EDN3: variants seen among roughly 807,000 people sequenced by gnomAD.
EDN3 encodes endothelin-3.
Under a neutral mutation model 21.4 loss-of-function variants are expected in EDN3, and 9 were observed. The observed-to-expected ratio is 0.42, with a 90% confidence interval of 0.25 to 0.73. EDN3 has a LOEUF of 0.73. Among genes scored for constraint, EDN3 ranks in the 30% least tolerant of loss-of-function variants. EDN3 has a pLI of 0.26. For synonymous variants in EDN3, 133 were observed against 126.2 expected, an observed-to-expected ratio of 1.05 and a Z score of -0.36; for missense variants, 327 against 309.4, an observed-to-expected ratio of 1.06 and a Z score of -0.43.
At chr20:59,320,956 TG>T (rs1410006772) in intron 2 of EDN3, 60 bp from the exon 3 acceptor site, 8 of 1,600,672 alleles carry the variant, frequency 5.0e-6, no homozygotes, top group Non-Finnish European at 6.0e-6. Flanking sequence ...TCCACACCCT[TG>T]GGGGCCCCTG....
intron 2 of EDN3, among the ~76,000 whole-genome samples, chr20:59,316,163 C>A (rs11570320): frequency 2.6e-5 from 4 of 151,956 alleles, no homozygotes; most frequent in Non-Finnish European, 4.4e-5. Context: ...TCCAGCCTGG[C>A]GACAGAGTGA....
At chr20:59,306,594 GTA>G (rs1568829174) in intron 2 of EDN3, among the ~76,000 whole-genome samples, 2 of 28,644 alleles carry the variant, frequency 7.0e-5, no homozygotes. Flanking sequence ...TGCATAAAGA[GTA>G]AAAAAAAAAA....
Position 59,300,779 on chromosome 20 carries a change from C to A in EDN3, c.-34C>A, listed in dbSNP as rs748531162. Reference sequence around the variant, plus strand: ...TTTCGCGGCCACAAGCGGCCGTCCTCCTGGTCCGGTGCTCCGGCGCCTGAT... The same window carrying A: ...TTTCGCGGCCACAAGCGGCCGTCCTACTGGTCCGGTGCTCCGGCGCCTGAT... On this transcript the variant is annotated 5_prime_UTR_variant, in exon 1 of 5. Transcript: ENST00000337938. 3 of 1,601,530 alleles carry A rather than the reference C, an allele frequency of 1.9e-6. No homozygotes were observed. In the South Asian group the frequency reaches 3.4e-5, roughly 18 times the overall value.
At chr20:59,315,185 A>G (rs1418356345) in intron 2 of EDN3, among the ~76,000 whole-genome samples, 2 of 152,216 alleles carry the variant, frequency 1.3e-5, no homozygotes, top group Non-Finnish European at 2.9e-5. Flanking sequence ...AAAGTCTGAA[A>G]TTGAGCTGTA....
At chr20:59,318,700 C>T (rs11699459) in intron 2 of EDN3, among the ~76,000 whole-genome samples, 69 of 152,352 alleles carry the variant, frequency 4.5e-4, no homozygotes, top group South Asian at 1.4e-3. Context: ...CACTTTACCG[C>T]GCTTGGCGGC....
At chr20:59,301,828 A>G in intron 2 of EDN3, 106 bp downstream of exon 2, 2 of 1,312,200 alleles carry the variant, frequency 1.5e-6, no homozygotes, top group African/African-American at 1.4e-5. Context: ...GTTAGCCCAG[A>G]GCCTGCCCTG....
chr20:59,311,070 C>G (rs942676245), intron 2 of EDN3, among the ~76,000 whole-genome samples: 1 of 152,084 alleles, frequency 6.6e-6, no homozygotes. Flanking sequence ...AATTCATAAT[C>G]GACCAAATAT....
At chr20:59,306,088 C>T (rs1190812711) in intron 2 of EDN3, among the ~76,000 whole-genome samples, 1 of 152,164 alleles carries the variant, frequency 6.6e-6, no homozygotes, top group East Asian at 1.9e-4. Flanking sequence ...CCACTGTGCT[C>T]CTCCCCGCCC....
At position 59,322,514 on chromosome 20, in the gene EDN3, C is replaced by G. The variant is rs1164678742; in HGVS notation, c.588+97C>G. 49 of 1,522,754 alleles carry G rather than the reference C, an allele frequency of 3.2e-5. No individual in the cohort carries two copies. Among genetic ancestry groups the G allele is most frequent in the Non-Finnish European group, 4.0e-5 (44 of 1,101,484 alleles). The allele number at this position is 1,522,754 out of a possible 1,614,324, so 94.3% of individuals were successfully genotyped here. The stretch of plus-strand genomic sequence containing the variant: ...GGAGGGTGTTTTGAGGGGATGGCAT[C>G]TGGTCTGGTCCAGTGGGAACCCCAG... On this transcript the variant is annotated intron_variant, in intron 4 of 4. Transcript: ENST00000337938. This position sits in a 1 kb window ranked among gnomAD's most constrained non-coding sequence, Gnocchi z 4.1.
At position 59,321,042 on chromosome 20, in the gene EDN3, A is replaced by G. The variant is rs755789488; in HGVS notation, c.391A>G (p.Asn131Asp). 6.2e-7 allele frequency: 1 copy of G among 1,614,206 alleles called. No homozygotes were observed. Among genetic ancestry groups the G allele is most frequent in the Non-Finnish European group, 8.5e-7 (1 of 1,180,024 alleles). Residue 131 changes from asparagine to aspartate, a missense_variant, in exon 3 of 5, where the codon AAC (asparagine) becomes GAC (aspartate). Coordinates refer to ENST00000337938, the MANE Select transcript of EDN3 (RefSeq NM_207034.3). ...PEQTVPYGLS[N>D]YRGSFRGKRS... ...ACAGACGGTGCCCTATGGACTGTCC[A>G]ACTACAGAGGAAGCTTCCGGGGCAA... is the stretch of plus-strand genomic sequence containing the variant.
At chr20:59,312,422 T>C (rs1989895783) in intron 2 of EDN3, among the ~76,000 whole-genome samples, 1 of 152,086 alleles carries the variant, frequency 6.6e-6, no homozygotes, top group African/African-American at 2.4e-5. Flanking sequence ...AAACCAGAGG[T>C]ATTTTTCTGT....
At chr20:59,307,484 C>T (rs1030645898) in intron 2 of EDN3, among the ~76,000 whole-genome samples, 3 of 152,192 alleles carry the variant, frequency 2.0e-5, no homozygotes, top group African/African-American at 7.2e-5. Context: ...CTGAAGCCTG[C>T]CCTGTAAGCC....
At chr20:59,320,711 C>G (rs950341157) in intron 2 of EDN3, among the ~76,000 whole-genome samples, 1 of 152,256 alleles carries the variant, frequency 6.6e-6, no homozygotes, top group African/African-American at 2.4e-5. Context: ...AAGGGGCTCA[C>G]AAGTGCAGGC....
chr20:59,308,680 A>G (rs1486034123), intron 2 of EDN3, among the ~76,000 whole-genome samples: 2 of 152,234 alleles, frequency 1.3e-5, no homozygotes, highest in Non-Finnish European at 1.5e-5. Context: ...CACAGCGCCT[A>G]CAATCTAGTA....
chr20:59,312,289 A>T (rs1234928243), intron 2 of EDN3, among the ~76,000 whole-genome samples: 5 of 152,162 alleles, frequency 3.3e-5, no homozygotes, highest in African/African-American at 1.2e-4. Flanking sequence ...GTTGTACCAG[A>T]TGGAGGGAAA....
intron 2 of EDN3, among the ~76,000 whole-genome samples, chr20:59,314,063 C>A (rs1990017754): frequency 6.6e-6 from 1 of 152,096 alleles, no homozygotes; most frequent in Admixed American, 6.5e-5. Context: ...GGATGGCATG[C>A]CTGCCTCCAC....
At chr20:59,316,184 C>G (rs1419038937) in intron 2 of EDN3, among the ~76,000 whole-genome samples, 5 of 151,956 alleles carry the variant, frequency 3.3e-5, no homozygotes, top group African/African-American at 4.8e-5. Context: ...GACTCTGTCT[C>G]AAAACGAAAA....
Position 59,300,875 on chromosome 20 carries a change from G to A in EDN3, c.52+11G>A, listed in dbSNP as rs745960314. The A allele has an allele frequency of 1.9e-6, 3 of 1,609,914 alleles. No homozygotes were observed. The highest frequency in any genetic ancestry group is 2.5e-6 in the Non-Finnish European group (3 of 1,179,338). The stretch of plus-strand genomic sequence containing the variant: ...TGACCTCCGCCGCAGGTAAGCGCAC[G>A]GGGCGGCGCGCCTCTCCTGGCGCGA... On this transcript the variant is annotated intron_variant, in intron 1 of 4. Coordinates refer to ENST00000337938, the MANE Select transcript of EDN3 (RefSeq NM_207034.3).
At chr20:59,311,404 G>A (rs1463956806) in intron 2 of EDN3, among the ~76,000 whole-genome samples, 1 of 152,150 alleles carries the variant, frequency 6.6e-6, no homozygotes, top group African/African-American at 2.4e-5. Flanking sequence ...GCTTGATTGA[G>A]TATACTTACA....
Sources: gnomAD v4.1 joint callset for allele counts (sites outside exome capture counted in the v4.1 genomes callset) on GRCh38, gnomAD v4.1.1 for gene constraint, Gnocchi (gnomAD v3.1) non-coding constraint, MANE v1.5 for transcripts, NCBI Gene and HGNC (gene_info 2026-07-23, HGNC 2026-07-21) for gene names.